C16orf96: variants seen among roughly 807,000 people sequenced by gnomAD.
C16orf96 encodes uncharacterized protein C16orf96.
In C16orf96, 108 loss-of-function variants were observed where a neutral mutation model predicts 103.6. That is an observed-to-expected ratio of 1.04 (90% CI 0.89 to 1.22). The LOEUF (loss-of-function observed/expected upper bound fraction) is 1.22, where lower values mean the gene tolerates loss of function less well. Ranked by LOEUF, C16orf96 falls within the 50% of genes most tolerant of loss-of-function variation. C16orf96 has a pLI of 0.00. For synonymous variants in C16orf96, 566 were observed against 593.5 expected, an observed-to-expected ratio of 0.95 and a Z score of 0.67; for missense variants, 1,586 against 1,464.2, an observed-to-expected ratio of 1.08 and a Z score of -1.36.
At chr16:4,597,325 C>T (rs929952974) in intron 14 of C16orf96, among the ~76,000 whole-genome samples, 1 of 152,180 alleles carries the variant, frequency 6.6e-6, no homozygotes, top group Non-Finnish European at 1.5e-5. Flanking sequence ...ACCTCCTTCA[C>T]CCTCCAACAA....
In C16orf96 at chr16:4,575,754, C is replaced by G. The variant is rs974596798; in HGVS notation, c.1274C>G (p.Pro425Arg). Reference sequence around the variant, plus strand: ...CAGCCCCAACCCTCCAGGGCCCCACCACCAGCCACTGAGTTTGGCTCATTG... The same window carrying G: ...CAGCCCCAACCCTCCAGGGCCCCACGACCAGCCACTGAGTTTGGCTCATTG... ...PTQPQPSRAP[P>R]PATEFGSLWP... Residue 425 changes from proline (P) to arginine (R), a missense_variant, in exon 5 of 16, where the codon CCA becomes CGA. Physicochemically the swap from Pro to Arg is moderately radical, Grantham distance 103 (BLOSUM62 -2). Coordinates refer to ENST00000444310, the MANE Select transcript of C16orf96 (RefSeq NM_001145011.2). 23 of 1,547,296 alleles carry G rather than the reference C, an allele frequency of 1.5e-5. No individual in the cohort carries two copies. In the East Asian group the frequency reaches 4.4e-4, roughly 30 times the overall value.
chr16:4,592,296 G>A lies in C16orf96; in HGVS notation c.2712-9G>A. The A allele has an allele frequency of 1.3e-6, 2 of 1,551,594 alleles. No individual in the cohort carries two copies. Among genetic ancestry groups the A allele is most frequent in the South Asian group, 2.4e-5 (2 of 84,070 alleles). On this transcript the variant is annotated splice_polypyrimidine_tract_variant and intron_variant, in intron 10 of 15. Coordinates refer to ENST00000444310, the MANE Select transcript of C16orf96 (RefSeq NM_001145011.2). ...CAGGGGCAGCGGCTGATGATCATGT[G>A]CCTTTCAGGAAGCTGTTCAAGCGCG...
chr16:4,590,435 G>A (rs1227874760), intron 9 of C16orf96, among the ~76,000 whole-genome samples: 1 of 151,642 alleles, frequency 6.6e-6, no homozygotes, highest in African/African-American at 2.4e-5. Flanking sequence ...GTGGGGGCCT[G>A]TAATCCCAGC....
chr16:4,560,028 AT>A, intron 1 of C16orf96: 1 of 151,792 alleles, frequency 6.6e-6, no homozygotes, highest in Non-Finnish European at 1.5e-5. Flanking sequence ...TTTTATTTTT[AT>A]TTTTTTGAGA....
chr16:4,554,053 G>T (rs1265428960), upstream of C16orf96, among the ~76,000 whole-genome samples: 3 of 152,162 alleles, frequency 2.0e-5, no homozygotes, highest in South Asian at 6.2e-4. Flanking sequence ...GTTAAGCCGA[G>T]AGTGTCCCTG....
At chr16:4,565,767 A>G (rs1684606) in intron 1 of C16orf96, among the ~76,000 whole-genome samples, 145,492 of 152,306 alleles carry the variant, frequency 0.96, 69,836 homozygotes, top group East Asian at 1. Context: ...GGGATTACAG[A>G]CATCAGCCAC....
Position 4,593,050 on chromosome 16 carries a change from C to CG in C16orf96, c.2775-167dup, listed in dbSNP as rs981380365. 3.9e-5 allele frequency among the ~76,000 whole-genome samples: 6 copies of CG among 152,032 alleles called. No individual in the cohort carries two copies. Among genetic ancestry groups the CG allele is most frequent in the Non-Finnish European group, 7.4e-5 (5 of 67,998 alleles). On this transcript the variant is annotated intron_variant, in intron 11 of 15. Coordinates refer to ENST00000444310, the MANE Select transcript of C16orf96 (RefSeq NM_001145011.2). The surrounding 1 kb of genome is among the most constrained non-coding windows in gnomAD (Gnocchi z 4.2). ...TGATCAGAGGTCCTGAGATGCCTTT[C>CG]GGGGGGGCCCCTTCTACTTCTATGC...
intron 1 of C16orf96, among the ~76,000 whole-genome samples, chr16:4,557,788 A>G (rs958392573): frequency 6.6e-6 from 1 of 151,608 alleles, no homozygotes; most frequent in African/African-American, 2.4e-5. Flanking sequence ...TCCCACCTCA[A>G]CCTCCCGAGT....
rs531231249 is a variant in C16orf96 at position 4,599,928 on chromosome 16, G to A, written c.3209-172G>A. Among the ~76,000 whole-genome samples, 4 of 152,334 alleles carry A rather than the reference G, an allele frequency of 2.6e-5. No individual in the cohort carries two copies. The South Asian group carries it at 8.3e-4, about 32-fold the overall frequency. The stretch of plus-strand genomic sequence containing the variant: ...CATTTATCTTGGGTCACCCACCCAG[G>A]ACATTTAGGGTGCCCAGGGCCCAGG... On this transcript the variant is annotated intron_variant, in intron 15 of 15. Transcript: ENST00000444310.
intron 7 of C16orf96, among the ~76,000 whole-genome samples, chr16:4,585,446 G>A (rs914156038): frequency 6.6e-6 from 1 of 152,086 alleles, no homozygotes; most frequent in Non-Finnish European, 1.5e-5. Flanking sequence ...GACAGAGCAA[G>A]AGCCTGCCTC....
chr16:4,576,415 C>T lies in C16orf96; in HGVS notation c.1935C>T (p.Tyr645=), dbSNP rs769203413. 1.4e-5 allele frequency: 22 copies of T among 1,551,064 alleles called. No homozygotes were observed. Among genetic ancestry groups the T allele is most frequent in the Non-Finnish European group, 1.7e-5 (19 of 1,147,018 alleles). The change falls in exon 5 of 16, where the codon TAC becomes TAT. Residue 645 remains tyrosine, a synonymous_variant. Coordinates refer to ENST00000444310, the MANE Select transcript of C16orf96 (RefSeq NM_001145011.2). ...TCTTGGGCGATGATTCCGAAATCTA[C>T]GAAATCCTCTCTCCCTCCTACTCTG... is the stretch of plus-strand genomic sequence containing the variant. ...SQILGDDSEI[Y]EILSPSYSAA... is the part of the protein sequence containing the mutation.
rs1897108498 is a variant in C16orf96 at position 4,593,605 on chromosome 16, G to C, written c.2867+289G>C. 6.6e-6 allele frequency among the ~76,000 whole-genome samples: 1 copy of C among 152,010 alleles called. No homozygotes were observed. Among genetic ancestry groups the C allele is most frequent in the Admixed American group, 6.6e-5 (1 of 15,250 alleles). On this transcript the variant is annotated intron_variant, in intron 12 of 15. Coordinates refer to ENST00000444310, the MANE Select transcript of C16orf96 (RefSeq NM_001145011.2). This position sits in a 1 kb window ranked among gnomAD's most constrained non-coding sequence, Gnocchi z 4.2. ...ATCTCACAACCCCCTGTGAGCTAGG[G>C]TTCCTATGCCCATGTCCCTGTTTCT...
chr16:4,547,255 C>T, the C16orf96 span, among the ~76,000 whole-genome samples: 53 of 152,336 alleles, frequency 3.5e-4, no homozygotes, highest in African/African-American at 1.3e-3. Context: ...CTGCCTCAGC[C>T]TCCCAAGTAG....
chr16:4,574,627 C>T, intron 2 of C16orf96, 82 bp from the exon 3 acceptor site: 1 of 1,116,382 alleles, frequency 9.0e-7, no homozygotes, highest in South Asian at 1.4e-5. Context: ...TTCTCAAGCT[C>T]TTAGTCACCT....
chr16:4,574,915 T>G, intron 3 of C16orf96, 57 bp from the exon 4 acceptor site: 1 of 1,526,676 alleles, frequency 6.6e-7, no homozygotes, highest in Non-Finnish European at 8.9e-7. Flanking sequence ...TTTGCAGGTG[T>G]GGGGGACACT....
At chr16:4,597,061 C>T (rs1897188027) in intron 14 of C16orf96, among the ~76,000 whole-genome samples, 1 of 147,744 alleles carries the variant, frequency 6.8e-6, no homozygotes, top group Admixed American at 6.9e-5. Flanking sequence ...GTCACATTCA[C>T]AGCTTCTAGG....
intron 14 of C16orf96, among the ~76,000 whole-genome samples, chr16:4,597,288 C>T (rs770142883): frequency 3.9e-5 from 6 of 152,160 alleles, no homozygotes; most frequent in Non-Finnish European, 8.8e-5. Context: ...ATTTAATGAA[C>T]CCCGACTTCG....
chr16:4,576,470 T>C lies in C16orf96; in HGVS notation c.1990T>C (p.Ser664Pro). The C allele has an allele frequency of 6.4e-7, 1 of 1,551,420 alleles. No individual in the cohort carries two copies. Among genetic ancestry groups the C allele is most frequent in the Non-Finnish European group, 8.7e-7 (1 of 1,146,992 alleles). Residue 664 changes from serine to proline, a missense_variant, in exon 5 of 16, where the codon TCC (serine) becomes CCC (proline). Physicochemically the swap from Ser to Pro is moderately conservative, Grantham distance 74 (BLOSUM62 -1). Coordinates refer to ENST00000444310, the MANE Select transcript of C16orf96 (RefSeq NM_001145011.2). ...CAGCATCGGTCCCGATCCAGCCCTG[T>C]CCCAGGCCATGGTGGCTACCAAGCA... The part of the protein sequence containing the change: ...AASIGPDPAL[S>P]QAMVATKQAM...
At chr16:4,547,269 G>T in the C16orf96 span, among the ~76,000 whole-genome samples, 1 of 152,158 alleles carries the variant, frequency 6.6e-6, no homozygotes, top group Non-Finnish European at 1.5e-5. Flanking sequence ...CAAGTAGCTG[G>T]AATTACAGGT....
Sources: gnomAD v4.1 joint callset for allele counts (sites outside exome capture counted in the v4.1 genomes callset) on GRCh38, gnomAD v4.1.1 for gene constraint, Gnocchi (gnomAD v3.1) non-coding constraint, MANE v1.5 for transcripts, NCBI Gene and HGNC (gene_info 2026-07-23, HGNC 2026-07-21) for gene names.